The following CATSPER2 variants were observed in gnomAD, a reference collection of about 807,000 sequenced individuals.
CATSPER2 encodes the protein cation channel sperm-associated protein 2.
In CATSPER2, 56 loss-of-function variants were observed where a neutral mutation model predicts 68.8. The ratio of observed to expected loss-of-function variants is 0.81; its 90% CI spans 0.66 to 1.02. The LOEUF (loss-of-function observed/expected upper bound fraction) is 1.02. CATSPER2 is among the 50% of genes least tolerant of loss of function. CATSPER2 has a pLI of 0.00. For missense variants in CATSPER2, 582 were observed against 642.0 expected, an observed-to-expected ratio of 0.91 and a Z score of 1.01; for synonymous variants, 198 against 229.9, an observed-to-expected ratio of 0.86 and a Z score of 1.26.
Position 43,639,711 on chromosome 15 carries a change from A to G in CATSPER2, c.649T>C (p.Ser217Pro). Residue 217 changes from serine to proline, a missense_variant, in exon 6 of 13, where the codon TCT (serine) becomes CCT (proline). Coordinates refer to ENST00000396879, the MANE Select transcript of CATSPER2 (RefSeq NM_172095.4). ...CGGAATTGTGCAAGGAGTTTGAGAG[A>G]CCTCAGCACCCGGCAGATCCTCAGA... ...QLLRICRVLR[S>P]LKLLAQFRQI... 1 of 1,613,172 alleles carries G rather than the reference A, an allele frequency of 6.2e-7. No individual in the cohort carries two copies. Among genetic ancestry groups the G allele is most frequent in the Non-Finnish European group, 8.5e-7 (1 of 1,179,608 alleles).
chr15:43,647,358 G>A lies in CATSPER2; in HGVS notation c.255C>T (p.Ser85=). ...EQISHAQRLL[S]RLHVRCSQRP... is the part of the protein sequence containing the mutation. ...TCTGACTGCAGCGCACATGAAGCCTGCTCAACAGCCTCTGGGCATGTGAAA... is the reference window on the plus strand; with the variant it reads ...TCTGACTGCAGCGCACATGAAGCCTACTCAACAGCCTCTGGGCATGTGAAA... Residue 85 remains serine, a synonymous_variant, in exon 3 of 13, where the codon AGC becomes AGT. Coordinates refer to ENST00000396879, the MANE Select transcript of CATSPER2 (RefSeq NM_172095.4). 1.9e-6 allele frequency: 3 copies of A among 1,612,966 alleles called. No individual in the cohort carries two copies. The Admixed American group carries it at 5.0e-5, about 27-fold the overall frequency.
Position 43,639,777 on chromosome 15 carries a change from C to G in CATSPER2, c.583G>C (p.Val195Leu). The change falls in exon 6 of 13, where the codon GTA becomes CTA. Residue 195 changes from valine to leucine, a missense_variant. Coordinates refer to ENST00000396879, the MANE Select transcript of CATSPER2 (RefSeq NM_172095.4). ...TMLSLLPEVV[V>L]LVGVTGQSVW... ...GATTGGCCTGTTACCCCTACCAATA[C>G]CACAACCTCGGGAAGCAGGGACTGT... 6.2e-7 allele frequency: 1 copy of G among 1,611,810 alleles called. No individual in the cohort carries two copies. The highest frequency in any genetic ancestry group is 8.5e-7 in the Non-Finnish European group (1 of 1,178,460).
chr15:43,635,320 T>G, intron 10 of CATSPER2, 40 bp downstream of exon 10: 1 of 1,538,656 alleles, frequency 6.5e-7, no homozygotes, highest in Non-Finnish European at 9.0e-7. Flanking sequence ...CCTCTCCTCC[T>G]TCATGTGTTT....
Position 43,638,890 on chromosome 15 carries a change from C to T in CATSPER2, c.842+14G>A, listed in dbSNP as rs2141563097. ...ATTTTCTCCCCTCACCCAGCTGTCC[C>T]CAGCTCTGCTTACGAGAAGAACACA... is the stretch of plus-strand genomic sequence containing the variant. On this transcript the variant is annotated intron_variant, in intron 7 of 12. Coordinates refer to ENST00000396879, the MANE Select transcript of CATSPER2 (RefSeq NM_172095.4). 1 of 1,612,542 alleles carries T rather than the reference C, an allele frequency of 6.2e-7. No homozygotes were observed. Among genetic ancestry groups the T allele is most frequent in the Non-Finnish European group, 8.5e-7 (1 of 1,179,172 alleles).
At chr15:43,641,135 A>G (rs1204702897) in intron 4 of CATSPER2, among the ~76,000 whole-genome samples, 1 of 137,118 alleles carries the variant, frequency 7.3e-6, no homozygotes, top group Non-Finnish European at 1.5e-5. Context: ...TTTTTTTTTG[A>G]GATGGAGTTT....
chr15:43,636,017 A>T, intron 8 of CATSPER2, 24 bp downstream of exon 8: 1 of 1,487,310 alleles, frequency 6.7e-7, no homozygotes, highest in Non-Finnish European at 9.3e-7. Flanking sequence ...CTTCCCAAAC[A>T]AGTTTCACCT....
At chr15:43,643,543 G>A (rs2086108932) in intron 4 of CATSPER2, among the ~76,000 whole-genome samples, 1 of 151,678 alleles carries the variant, frequency 6.6e-6, no homozygotes, top group South Asian at 2.1e-4. Flanking sequence ...CACCATGTTG[G>A]CCAGGTTGGT....
rs148799648 is a variant in CATSPER2 at position 43,631,519 on chromosome 15, G to A, written c.1561+680C>T. 2,602 of 381,204 alleles carry A rather than the reference G, an allele frequency of 6.8e-3. 89 individuals carry two copies. The highest frequency in any genetic ancestry group is 0.052 in the African/African-American group (2,407 of 46,290). The allele number at this position is 381,204 out of a possible 1,614,324, so 23.6% of individuals were successfully genotyped here. On this transcript the variant is annotated intron_variant, in intron 12 of 12. Coordinates refer to ENST00000396879, the MANE Select transcript of CATSPER2 (RefSeq NM_172095.4). ...GCTGGGATTACAGGTGTGAGCCACC[G>A]TGCCCGGCCTTTTTTTTTCCTTTTA...
At position 43,647,032 on chromosome 15, in the gene CATSPER2, T is replaced by C. The variant is rs369779329; in HGVS notation, c.388+18A>G. 133 of 1,603,664 alleles carry C rather than the reference T, an allele frequency of 8.3e-5. 2 individuals are homozygous for C. The African/African-American group carries it at 1.5e-3, about 18-fold the overall frequency. ...GTGCCCGGCCTCACTTCCTCTTTCA[T>C]ACAAGGTCAGTTCTCACCTATTTCA... On this transcript the variant is annotated intron_variant, in intron 4 of 12. Coordinates refer to ENST00000396879, the MANE Select transcript of CATSPER2 (RefSeq NM_172095.4).
chr15:43,648,457 G>A (rs1397508185), intron 1 of CATSPER2, among the ~76,000 whole-genome samples, 172 bp downstream of exon 1: 1 of 152,038 alleles, frequency 6.6e-6, no homozygotes, highest in East Asian at 1.9e-4. Flanking sequence ...GCAATGAGGT[G>A]GAGTTGGGGG....
At position 43,646,513 on chromosome 15, in the gene CATSPER2, G is replaced by A. The variant is rs1239400007; in HGVS notation, c.388+537C>T. 4.6e-5 allele frequency among the ~76,000 whole-genome samples: 7 copies of A among 151,274 alleles called. 1 individual carries two copies. The South Asian group carries it at 8.4e-4, about 18-fold the overall frequency. On this transcript the variant is annotated intron_variant, in intron 4 of 12. Transcript: ENST00000396879. ...TGACCTCAAGTGATTCAACCACCTC[G>A]GCCTCCCAAAGTGCTGAGATTACAG...
At chr15:43,634,887 T>C (rs1267970078) in intron 10 of CATSPER2, 1 of 175,088 alleles carries the variant, frequency 5.7e-6, no homozygotes, top group Non-Finnish European at 1.3e-5. Flanking sequence ...GAGTCTGAAA[T>C]GAAGGTGTTG....
chr15:43,635,222 C>T (rs1343455645), intron 10 of CATSPER2, 138 bp downstream of exon 10: 11 of 803,664 alleles, frequency 1.4e-5, no homozygotes, highest in Admixed American at 9.0e-5. Context: ...CATATTATTT[C>T]GGGTGCCACT....
In CATSPER2 at chr15:43,648,037, G is replaced by C; in HGVS notation, c.25C>G (p.Gln9Glu). 1.9e-6 allele frequency: 3 copies of C among 1,613,690 alleles called. No homozygotes were observed. The highest frequency in any genetic ancestry group is 2.5e-6 in the Non-Finnish European group (3 of 1,179,746). The change falls in exon 2 of 13, where the codon CAG (glutamine) becomes GAG (glutamate). Residue 9 changes from glutamine (Q) to glutamate (E), a missense_variant. Transcript: ENST00000396879. MAAYQQEE[Q>E]MQLPRADAIR... ...GCATCAGCTCGGGGAAGCTGCATCT[G>C]CTCTTCTTGTTGGTAAGCGGCCATG...
chr15:43,634,948 T>G (rs1334523583), intron 10 of CATSPER2: 1 of 248,196 alleles, frequency 4.0e-6, no homozygotes, highest in Non-Finnish European at 8.3e-6. Context: ...CCTTGCCTCT[T>G]CTACCTTCTG....
rs1275736849 is a variant in CATSPER2, at chr15:43,636,095, G to A, written c.967C>T (p.Leu323Phe). 6.3e-7 allele frequency: 1 copy of A among 1,597,666 alleles called. No homozygotes were observed. Among genetic ancestry groups the A allele is most frequent in the South Asian group, 1.1e-5 (1 of 90,064 alleles). The change falls in exon 8 of 13, where the codon CTT (leucine) becomes TTT (phenylalanine). Residue 323 changes from leucine (L) to phenylalanine (F), a missense_variant. Leu to Phe is a conservative substitution (Grantham distance 22). This residue lies in a region of CATSPER2 where 235 missense variants were observed against 264.2 expected (regional missense o/e 0.89). Transcript: ENST00000396879. ...ATAATGGAGCCAAGCAACAACCAAA[G>A]GATGAAATAGATGCTGCTGAAGATG... ...SRIFSSIYFI[L>F]WLLLGSIIFR...
At chr15:43,639,252 T>A (rs112812053) in intron 6 of CATSPER2, among the ~76,000 whole-genome samples, 4,143 of 149,876 alleles carry the variant, frequency 0.028, 199 homozygotes, top group African/African-American at 0.094. Flanking sequence ...TTCATATATT[T>A]TTTTTTTTTT....
Position 43,644,199 on chromosome 15 carries a change from G to A in CATSPER2, c.388+2851C>T, listed in dbSNP as rs569517303. The stretch of plus-strand genomic sequence containing the variant: ...GCCCTAACAGTTTAGATCACTTTGT[G>A]ATTGGAAAAAAAATTTTTTAAGCCT... On this transcript the variant is annotated intron_variant, in intron 4 of 12. Transcript: ENST00000396879. Among the ~76,000 whole-genome samples, 61 of 151,996 alleles carry A rather than the reference G, an allele frequency of 4.0e-4. 1 individual carries two copies. The South Asian group carries it at 5.4e-3, about 13-fold the overall frequency.
intron 4 of CATSPER2, among the ~76,000 whole-genome samples, chr15:43,641,981 A>G (rs1381903362): frequency 1.3e-5 from 2 of 152,014 alleles, no homozygotes; most frequent in Non-Finnish European, 2.9e-5. Flanking sequence ...TATAGGCATG[A>G]GCCACTGCAC....
Sources: gnomAD v4.1 joint callset for allele counts (sites outside exome capture counted in the v4.1 genomes callset) on GRCh38, gnomAD v4.1.1 for gene constraint, gnomAD v4.1.1 regional missense constraint, MANE v1.5 for transcripts, NCBI Gene and HGNC (gene_info 2026-07-23, HGNC 2026-07-21) for gene names.